The following SLC2A11 variants were observed in gnomAD, a reference collection of about 807,000 sequenced individuals.
The protein encoded by SLC2A11 is solute carrier family 2 member 11.
A neutral mutation model predicts 52.1 loss-of-function variants in SLC2A11; 43 were observed. The observed-to-expected ratio is 0.82, with a 90% confidence interval of 0.65 to 1.06. SLC2A11 has a LOEUF of 1.06. Among genes scored for constraint, SLC2A11 ranks in the 50% least tolerant of loss-of-function variants. SLC2A11 has a pLI of 0.00. For synonymous variants in SLC2A11, 261 were observed against 277.6 expected, an observed-to-expected ratio of 0.94 and a Z score of 0.59; for missense variants, 582 against 654.2, an observed-to-expected ratio of 0.89 and a Z score of 1.20.
At chr22:23,869,784 C>T in intron 3 of SLC2A11, 1 of 530,140 alleles carries the variant, frequency 1.9e-6, no homozygotes, top group South Asian at 2.8e-5. Context: ...ATCAAGGCAC[C>T]CAGCAGATGC....
chr22:23,861,068 A>G (rs2146103613), intron 1 of SLC2A11, among the ~76,000 whole-genome samples: 1 of 151,654 alleles, frequency 6.6e-6, no homozygotes, highest in Admixed American at 6.6e-5. Context: ...GATGGTCTCA[A>G]TCTCCTGACC....
intron 4 of SLC2A11, among the ~76,000 whole-genome samples, chr22:23,876,621 T>TGTA (rs1237874145): frequency 6.6e-6 from 1 of 152,100 alleles, no homozygotes; most frequent in Non-Finnish European, 1.5e-5. Flanking sequence ...TGAGAGCAGC[T>TGTA]GTAGTGATCA....
chr22:23,878,018 C>T, intron 6 of SLC2A11, 149 bp downstream of exon 6: 1 of 1,003,746 alleles, frequency 1.0e-6, no homozygotes, highest in Non-Finnish European at 1.4e-6. Context: ...CCTATACCTG[C>T]CTTCAATCAG....
At chr22:23,857,497 A>ATGAAC (rs764587979), upstream of SLC2A11, 19 of 1,613,580 alleles carry the variant, frequency 1.2e-5, no homozygotes, top group Non-Finnish European at 1.5e-5. Flanking sequence ...CGGATGGAGG[A>ATGAAC]TGAACTGGAG....
chr22:23,857,482 A>C (rs775047142), upstream of SLC2A11: 9 of 1,613,848 alleles, frequency 5.6e-6, no homozygotes, highest in East Asian at 2.0e-4. Context: ...GTGCTGCGGC[A>C]GAGGCGGATG....
chr22:23,857,068 GTGTGT>G, upstream of SLC2A11: 2 of 1,079,982 alleles, frequency 1.9e-6, no homozygotes, highest in South Asian at 1.5e-5. Context: ...CAAAGTGTGT[GTGTGT>G]GGGGGGGGGG....
At position 23,861,154 on chromosome 22, in the gene SLC2A11, G is replaced by A. The variant is rs144385137; in HGVS notation, c.31-950G>A. ...GCCACTGCGCCCGGCCAATTTTTGTGTTTTTAGTAGAGATGGGGTTTCACC... is the reference window on the plus strand; with the variant it reads ...GCCACTGCGCCCGGCCAATTTTTGTATTTTTAGTAGAGATGGGGTTTCACC... On this transcript the variant is annotated intron_variant, in intron 1 of 11. Transcript: ENST00000316185. Among the ~76,000 whole-genome samples, 1,026 of 148,334 alleles carry A rather than the reference G, an allele frequency of 6.9e-3. 12 individuals carry two copies. The highest frequency in any genetic ancestry group is 0.025 in the African/African-American group (988 of 40,286).
chr22:23,880,258 CAAA>C (rs60165299), intron 6 of SLC2A11, among the ~76,000 whole-genome samples: 12 of 41,926 alleles, frequency 2.9e-4, no homozygotes, highest in South Asian at 1.4e-3. Context: ...GACTCCATCT[CAAA>C]AAAAAAAAAA....
Position 23,877,731 on chromosome 22 carries a change from G to A in SLC2A11, c.556G>A (p.Gly186Ser). ...GQVVGLRELL[G>S]GPQAWPLLLA... ...CCTCTGCCTCCTTAGGGAGCTCCTA[G>A]GTGGCCCTCAGGCCTGGCCCCTGCT... The change falls in exon 6 of 12, where the codon GGT becomes AGT. Residue 186 changes from glycine to serine, a missense_variant. Physicochemically the swap from Gly to Ser is moderately conservative, Grantham distance 56. Transcript: ENST00000316185. The A allele has an allele frequency of 6.3e-7, 1 of 1,593,070 alleles. No individual in the cohort carries two copies. The highest frequency in any genetic ancestry group is 8.5e-7 in the Non-Finnish European group (1 of 1,171,190).
rs2032949020 is a variant in SLC2A11, at chr22:23,884,822, GGA to G, written c.1475_1476del (p.Glu492GlyfsTer62). On this transcript the variant is annotated frameshift_variant, in exon 12 of 12. Coordinates refer to ENST00000316185, the MANE Select transcript of SLC2A11 (RefSeq NM_001024939.4). LOFTEE classifies it high-confidence loss of function. This position sits in a 1 kb window ranked among gnomAD's most constrained non-coding sequence, Gnocchi z 4.3. ...RAQGPTWRSL[E>X]VIQSTEL is the part of the protein sequence containing the mutation. ...CCCAGGGCCCCACGTGGAGGAGCCT[GGA>G]GGTTATCCAGTCAACAGAACTCTAG... 1.2e-6 allele frequency: 2 copies of G among 1,614,064 alleles called. No homozygotes were observed. The highest frequency in any genetic ancestry group is 3.3e-5 in the Admixed American group (2 of 60,004).
At position 23,884,555 on chromosome 22, in the gene SLC2A11, A is replaced by C. The variant is rs1160007107; in HGVS notation, c.1300-94A>C. The C allele has an allele frequency of 1.9e-6, 3 of 1,542,328 alleles. No homozygotes were observed. Among genetic ancestry groups the C allele is most frequent in the Non-Finnish European group, 2.6e-6 (3 of 1,142,062 alleles). ...AGGGAGGGGTCTTAGGGGAGCAAAG[A>C]GGGGGGCAAATGCCTCCTCACGACC... On this transcript the variant is annotated intron_variant, in intron 11 of 11. Coordinates refer to ENST00000316185, the MANE Select transcript of SLC2A11 (RefSeq NM_001024939.4). This position sits in a 1 kb window ranked among gnomAD's most constrained non-coding sequence, Gnocchi z 4.3.
At chr22:23,873,623 A>T (rs2032528193) in intron 3 of SLC2A11, among the ~76,000 whole-genome samples, 1 of 152,096 alleles carries the variant, frequency 6.6e-6, no homozygotes, top group Non-Finnish European at 1.5e-5. Context: ...TATATACTTA[A>T]GGCAGATCGG....
rs370038174 is a variant in SLC2A11, at chr22:23,884,451, G to C, written c.1299+22G>C. On this transcript the variant is annotated intron_variant, in intron 11 of 11. Transcript: ENST00000316185. The surrounding 1 kb of genome is among the most constrained non-coding windows in gnomAD (Gnocchi z 4.3). ...CATGGTAGGCCCGCCCCTCCCGCTG[G>C]GGGCCCTGCCTTAGGCTGTGTCCCT... The C allele has an allele frequency of 2.5e-4, 399 of 1,609,420 alleles. 10 individuals carry two copies. In the South Asian group the frequency reaches 4.3e-3, roughly 17 times the overall value.
rs778744344 is a variant in SLC2A11 at position 23,857,957 on chromosome 22, T to C, written c.-43T>C. 6.4e-7 allele frequency: 1 copy of C among 1,559,280 alleles called. No homozygotes were observed. Among genetic ancestry groups the C allele is most frequent in the Non-Finnish European group, 8.6e-7 (1 of 1,157,436 alleles). On this transcript the variant is annotated 5_prime_UTR_variant, in exon 1 of 12. Coordinates refer to ENST00000316185, the MANE Select transcript of SLC2A11 (RefSeq NM_001024939.4). ...CACCGCTTGCTAATGGCAGCCGGGG[T>C]CTCCCTGGGACAGCAAGACCTCCGC...
In SLC2A11 at chr22:23,857,917, C is replaced by A. The variant is rs959788345; in HGVS notation, c.-83C>A. The A allele has an allele frequency of 6.3e-7, 1 of 1,585,012 alleles. No individual in the cohort carries two copies. Among genetic ancestry groups the A allele is most frequent in the South Asian group, 1.2e-5 (1 of 86,786 alleles). On this transcript the variant is annotated 5_prime_UTR_variant, in exon 1 of 12. Coordinates refer to ENST00000316185, the MANE Select transcript of SLC2A11 (RefSeq NM_001024939.4). Reference sequence around the variant, plus strand: ...GCTGCGCGCTGCCCTTCCCTCCGCGCACAGGCTGCCGGCTCACCGCTTGCT... The same window carrying A: ...GCTGCGCGCTGCCCTTCCCTCCGCGAACAGGCTGCCGGCTCACCGCTTGCT...
At chr22:23,861,239 A>C (rs1421557257) in intron 1 of SLC2A11, among the ~76,000 whole-genome samples, 2 of 133,484 alleles carry the variant, frequency 1.5e-5, no homozygotes, top group Non-Finnish European at 3.3e-5. Context: ...CGGCCTCCCA[A>C]AGTGCTGGGA....
upstream of SLC2A11, chr22:23,856,967 A>G (rs757202158): frequency 1.2e-6 from 2 of 1,611,388 alleles, no homozygotes; most frequent in Non-Finnish European, 1.7e-6. Flanking sequence ...CCCAGGACGC[A>G]CAGATGAGAG....
chr22:23,864,656 G>A (rs924092148), intron 2 of SLC2A11, among the ~76,000 whole-genome samples: 6 of 152,284 alleles, frequency 3.9e-5, no homozygotes, highest in African/African-American at 1.4e-4. Flanking sequence ...ACCCACTTCA[G>A]TGCACACTCA....
chr22:23,875,182 G>C lies in SLC2A11; in HGVS notation c.356G>C (p.Arg119Pro), dbSNP rs768582330. The C allele has an allele frequency of 6.3e-7, 1 of 1,589,622 alleles. No individual in the cohort carries two copies. Among genetic ancestry groups the C allele is most frequent in the Non-Finnish European group, 8.6e-7 (1 of 1,166,542 alleles). ...VSAAILFGFS[R>P]KAGSFEMIML... ...GCAGCAATCCTGTTTGGATTCAGCC[G>C]CAAAGCAGGCTCCTTTGAGATGATC... The change falls in exon 4 of 12, where the codon CGC (arginine) becomes CCC (proline). Residue 119 changes from arginine (R) to proline (P), a missense_variant. Coordinates refer to ENST00000316185, the MANE Select transcript of SLC2A11 (RefSeq NM_001024939.4).
Sources: gnomAD v4.1 joint callset for allele counts (sites outside exome capture counted in the v4.1 genomes callset) on GRCh38, gnomAD v4.1.1 for gene constraint, Gnocchi (gnomAD v3.1) non-coding constraint, MANE v1.5 for transcripts, NCBI Gene and HGNC (gene_info 2026-07-23, HGNC 2026-07-21) for gene names.